The following PIGU variants were observed in gnomAD, a reference collection of about 807,000 sequenced individuals.
The protein encoded by PIGU is GPI-anchor transamidase component PIGU.
A neutral mutation model predicts 49.9 loss-of-function variants in PIGU; 24 were observed. The observed-to-expected ratio is 0.48, with a 90% confidence interval of 0.35 to 0.68. PIGU has a LOEUF of 0.68. Ranked by LOEUF, PIGU falls within the 30% of genes least tolerant of loss-of-function variation. The probability of loss-of-function intolerance (pLI) is 0.01; values close to 1 mark genes in which losing one functional copy is unlikely to be tolerated. For missense variants in PIGU, 490 were observed against 532.6 expected (o/e 0.92, Z 0.79); for synonymous variants, 220 against 205.7 (o/e 1.07, Z -0.59).
At chr20:34,571,281 A>G (rs1169347301) in intron 11 of PIGU, among the ~76,000 whole-genome samples, 1 of 152,194 alleles carries the variant, frequency 6.6e-6, no homozygotes, top group Admixed American at 6.5e-5. Context: ...AGGCAGAAAA[A>G]TAATAGCTCC....
intron 11 of PIGU, among the ~76,000 whole-genome samples, chr20:34,573,823 G>A (rs1213568457): frequency 6.6e-6 from 1 of 152,264 alleles, no homozygotes; most frequent in Non-Finnish European, 1.5e-5. Context: ...CTCCGGCTGG[G>A]CCCCACCCAG....
At chr20:34,578,132 C>T (rs1016647995) in intron 10 of PIGU, among the ~76,000 whole-genome samples, 2 of 152,172 alleles carry the variant, frequency 1.3e-5, no homozygotes, top group African/African-American at 4.8e-5. Flanking sequence ...ATCTGTCACC[C>T]GAGTTTATTG....
At chr20:34,660,991 G>T (rs1192371915) in intron 1 of PIGU, among the ~76,000 whole-genome samples, 1 of 152,034 alleles carries the variant, frequency 6.6e-6, no homozygotes, top group Admixed American at 6.6e-5. Context: ...AGGTAAACAG[G>T]AACTCTTGTA....
intron 2 of PIGU, among the ~76,000 whole-genome samples, chr20:34,649,584 G>A (rs1314260836): frequency 6.6e-6 from 1 of 150,736 alleles, no homozygotes; most frequent in African/African-American, 2.4e-5. Flanking sequence ...GCAGTGGCGT[G>A]ATCTCGGCTC....
rs1412365978 is a variant in PIGU at position 34,668,483 on chromosome 20, A to AAAAAG, written c.130+8472_130+8473insCTTTT. ...TCTCAAAAAAAAAAAAAAAAAAAAA[A>AAAAAG]GGGGGGGGCGGGCGTGCTGGCTCAC... On this transcript the variant is annotated intron_variant, in intron 1 of 11. Coordinates refer to ENST00000217446, the MANE Select transcript of PIGU (RefSeq NM_080476.5). 8.6e-3 allele frequency among the ~76,000 whole-genome samples: 758 copies of AAAAAG among 88,424 alleles called. 30 individuals are homozygous for AAAAAG. Among genetic ancestry groups the AAAAAG allele is most frequent in the East Asian group, 0.017 (48 of 2,764 alleles). 58.0% of individuals were successfully genotyped at this position (88,424 alleles called of 152,430 possible). A position where few individuals can be genotyped will look rare whatever the true frequency, so the allele number is the denominator to read the frequency against.
At chr20:34,575,348 T>G in intron 10 of PIGU, 102 bp from the exon 11 acceptor site, 2 of 1,412,620 alleles carry the variant, frequency 1.4e-6, no homozygotes, top group East Asian at 4.9e-5. Context: ...GTGAGCATCA[T>G]GTAGCTCAAA....
intron 10 of PIGU, among the ~76,000 whole-genome samples, chr20:34,577,691 G>A (rs1264428677): frequency 1.3e-5 from 2 of 152,172 alleles, no homozygotes; most frequent in South Asian, 4.1e-4. Flanking sequence ...ACTCCAGCCT[G>A]AGCAACAGAG....
Position 34,653,950 on chromosome 20 carries a change from C to T in PIGU, c.195+3230G>A, listed in dbSNP as rs560365463. The stretch of plus-strand genomic sequence containing the variant: ...TCGGCTCACTGCAAGCTCCGCCTCC[C>T]GTGTTCACGCCATTCTCCTGCCTCA... On this transcript the variant is annotated intron_variant, in intron 2 of 11. Coordinates refer to ENST00000217446, the MANE Select transcript of PIGU (RefSeq NM_080476.5). Among the ~76,000 whole-genome samples, 9 of 151,866 alleles carry T rather than the reference C, an allele frequency of 5.9e-5. No homozygotes were observed. The South Asian group carries it at 1.5e-3, about 25-fold the overall frequency.
chr20:34,588,652 A>T (rs768300146), intron 7 of PIGU, 45 bp from the exon 8 acceptor site: 1 of 1,565,906 alleles, frequency 6.4e-7, no homozygotes, highest in Non-Finnish European at 8.7e-7. Context: ...TGTAAACAAC[A>T]GAGGGCAGCT....
At position 34,634,708 on chromosome 20, in the gene PIGU, A is replaced by G; in HGVS notation, c.436T>C (p.Leu146=). 6.2e-7 allele frequency: 1 copy of G among 1,611,938 alleles called. No homozygotes were observed. ...CAAGACAAAATCGTGTAAGGATTTA[A>G]GAGATAGCTGGGGAAGAACAAACAT... ...IPLKVALFYL[L]NPYTILSCVA... is the part of the protein sequence containing the mutation. The change falls in exon 6 of 12, where the codon TTA becomes CTA. Residue 146 remains leucine (L), a synonymous_variant. Transcript: ENST00000217446.
intron 9 of PIGU, among the ~76,000 whole-genome samples, chr20:34,584,844 T>C (rs1197081862): frequency 6.6e-6 from 1 of 152,114 alleles, no homozygotes; most frequent in Non-Finnish European, 1.5e-5. Flanking sequence ...CCCGCCACTA[T>C]ACCTGGCAAA....
chr20:34,607,227 TTCCTGGC>T (rs771345185), intron 7 of PIGU, among the ~76,000 whole-genome samples: 1 of 152,196 alleles, frequency 6.6e-6, no homozygotes, highest in Non-Finnish European at 1.5e-5. Flanking sequence ...AAAAGGGCCG[TTCCTGGC>T]GACGGCCCCA....
intron 3 of PIGU, among the ~76,000 whole-genome samples, chr20:34,644,978 A>G (rs909532463): frequency 1.3e-5 from 2 of 152,170 alleles, no homozygotes; most frequent in African/African-American, 2.4e-5. Context: ...CATGAATTCA[A>G]AGTAAAGACA....
At chr20:34,629,820 C>T (rs1166734597) in intron 6 of PIGU, among the ~76,000 whole-genome samples, 1 of 152,130 alleles carries the variant, frequency 6.6e-6, no homozygotes, top group African/African-American at 2.4e-5. Context: ...TCAACTCTCC[C>T]TCCAAAAATC....
chr20:34,662,153 GC>G (rs1252725020), intron 1 of PIGU, among the ~76,000 whole-genome samples: 1 of 152,012 alleles, frequency 6.6e-6, no homozygotes, highest in African/African-American at 2.4e-5. Flanking sequence ...GCTCACTGCA[GC>G]CTTGACCTCT....
intron 10 of PIGU, 46 bp from the exon 11 acceptor site, chr20:34,575,292 C>T (rs1346208485): frequency 6.3e-7 from 1 of 1,592,940 alleles, no homozygotes; most frequent in Non-Finnish European, 8.6e-7. Flanking sequence ...CTCTCTCTGG[C>T]ATGCTTTCCC....
intron 11 of PIGU, among the ~76,000 whole-genome samples, chr20:34,566,637 C>T (rs1295351815): frequency 6.6e-6 from 1 of 152,150 alleles, no homozygotes; most frequent in African/African-American, 2.4e-5. Context: ...CCCTTTCCAA[C>T]CCCCCAGGGT....
intron 2 of PIGU, among the ~76,000 whole-genome samples, chr20:34,648,831 G>A (rs1390805173): frequency 6.6e-6 from 1 of 152,114 alleles, no homozygotes; most frequent in Non-Finnish European, 1.5e-5. Context: ...TTACAGGCAT[G>A]AGCCACTGCA....
At chr20:34,607,093 G>T (rs1984643622) in intron 7 of PIGU, among the ~76,000 whole-genome samples, 1 of 152,198 alleles carries the variant, frequency 6.6e-6, no homozygotes, top group Non-Finnish European at 1.5e-5. Context: ...TATTAGCAAA[G>T]AATCTAGAGG....
Sources: gnomAD v4.1 joint callset for allele counts (sites outside exome capture counted in the v4.1 genomes callset) on GRCh38, gnomAD v4.1.1 for gene constraint, MANE v1.5 for transcripts, NCBI Gene and HGNC (gene_info 2026-07-23, HGNC 2026-07-21) for gene names.